The following RSRC1 variants were observed in gnomAD, a reference collection of about 807,000 sequenced individuals.
RSRC1 encodes the protein serine/Arginine-related protein 53.
Under a neutral mutation model 49.1 loss-of-function variants are expected in RSRC1, and 39 were observed. That is an observed-to-expected ratio of 0.79 (90% CI 0.61 to 1.04). RSRC1 has a LOEUF of 1.04. RSRC1 is among the 50% of genes least tolerant of loss of function. RSRC1 has a pLI of 0.00. For synonymous variants in RSRC1, 143 were observed against 130.8 expected, an observed-to-expected ratio of 1.09 and a Z score of -0.63; for missense variants, 388 against 402.4, an observed-to-expected ratio of 0.96 and a Z score of 0.31.
chr3:158,534,658 A>G (rs1187239739), intron 7 of RSRC1, among the ~76,000 whole-genome samples: 2 of 151,622 alleles, frequency 1.3e-5, no homozygotes, highest in East Asian at 1.9e-4. Context: ...GCACGTGGCT[A>G]TTTATTAAAG....
At chr3:158,297,113 A>G (rs1727279547) in intron 4 of RSRC1, among the ~76,000 whole-genome samples, 1 of 152,064 alleles carries the variant, frequency 6.6e-6, no homozygotes, top group East Asian at 1.9e-4. Flanking sequence ...TATATTAATA[A>G]TTACTTTCTG....
At chr3:158,397,193 G>A (rs939537095) in intron 6 of RSRC1, among the ~76,000 whole-genome samples, 5 of 152,186 alleles carry the variant, frequency 3.3e-5, no homozygotes, top group African/African-American at 1.2e-4. Flanking sequence ...TGGCAAAGTT[G>A]CACTAGAACA....
intron 6 of RSRC1, among the ~76,000 whole-genome samples, chr3:158,429,768 A>T (rs950122735): frequency 6.6e-6 from 1 of 151,322 alleles, no homozygotes; most frequent in Non-Finnish European, 1.5e-5. Flanking sequence ...GCCAACTGAA[A>T]TGTCTGTCAC....
intron 4 of RSRC1, among the ~76,000 whole-genome samples, chr3:158,263,415 A>G (rs1434609635): frequency 2.6e-5 from 4 of 152,062 alleles, no homozygotes; most frequent in Admixed American, 2.0e-4. Flanking sequence ...ATATTGTTGC[A>G]TTTGCTTTGC....
At chr3:158,320,321 C>T (rs1042059873) in intron 5 of RSRC1, among the ~76,000 whole-genome samples, 18 of 152,158 alleles carry the variant, frequency 1.2e-4, no homozygotes, top group African/African-American at 3.4e-4. Flanking sequence ...AACTTATTGT[C>T]TAAGTGATGT....
At chr3:158,168,147 G>C (rs1718648879) in intron 3 of RSRC1, among the ~76,000 whole-genome samples, 2 of 152,096 alleles carry the variant, frequency 1.3e-5, no homozygotes, top group African/African-American at 4.8e-5. Flanking sequence ...TAGCAGCGTT[G>C]GATAGTTGCT....
At chr3:158,397,822 G>A (rs996026515) in intron 6 of RSRC1, among the ~76,000 whole-genome samples, 1 of 151,946 alleles carries the variant, frequency 6.6e-6, no homozygotes, top group Non-Finnish European at 1.5e-5. Flanking sequence ...CTTACATAAA[G>A]GATCTCATCT....
At chr3:158,440,683 C>T (rs1337077151) in intron 6 of RSRC1, among the ~76,000 whole-genome samples, 2 of 152,126 alleles carry the variant, frequency 1.3e-5, no homozygotes, top group South Asian at 2.1e-4. Context: ...GTGGCTCATG[C>T]CTGTAATTCC....
At chr3:158,287,507 C>A (rs963919262) in intron 4 of RSRC1, among the ~76,000 whole-genome samples, 13 of 152,014 alleles carry the variant, frequency 8.6e-5, no homozygotes, top group African/African-American at 2.9e-4. Context: ...AATGATTATT[C>A]TTTTCTTATA....
At chr3:158,332,978 T>G (rs569447282) in intron 5 of RSRC1, among the ~76,000 whole-genome samples, 24 of 151,172 alleles carry the variant, frequency 1.6e-4, no homozygotes, top group Admixed American at 3.3e-4. Flanking sequence ...TTTGTTTTTT[T>G]TTTTTTTTGA....
At chr3:158,464,204 C>T (rs1737762164) in intron 7 of RSRC1, among the ~76,000 whole-genome samples, 1 of 151,980 alleles carries the variant, frequency 6.6e-6, no homozygotes, top group Non-Finnish European at 1.5e-5. Flanking sequence ...TTCTATTTCT[C>T]TCTATTATTG....
In RSRC1 at chr3:158,113,906, T is replaced by C. The variant is rs145496494; in HGVS notation, c.-3+3683T>C. On this transcript the variant is annotated intron_variant, in intron 1 of 9. Transcript: ENST00000611884. ...CTTATAGACTCTGGATATTAGACCT[T>C]TGTCAGTTGTATAGGTTGCAAAAAT... 2.0e-3 allele frequency among the ~76,000 whole-genome samples: 300 copies of C among 152,310 alleles called. 4 individuals carry two copies. The East Asian group carries it at 0.043, about 22-fold the overall frequency.
chr3:158,123,813 T>C, intron 2 of RSRC1, 53 bp from the exon 3 acceptor site: 1 of 1,534,578 alleles, frequency 6.5e-7, no homozygotes, highest in Non-Finnish European at 8.8e-7. Context: ...TTTTCCTTAA[T>C]GCTCATAATA....
At chr3:158,350,964 A>C (rs1252049587) in intron 5 of RSRC1, among the ~76,000 whole-genome samples, 1 of 152,126 alleles carries the variant, frequency 6.6e-6, no homozygotes, top group Non-Finnish European at 1.5e-5. Context: ...GTTGGTATGA[A>C]ATTTTTTTTT....
chr3:158,151,977 A>G (rs988593784), intron 3 of RSRC1, among the ~76,000 whole-genome samples: 5 of 152,178 alleles, frequency 3.3e-5, no homozygotes, highest in Non-Finnish European at 7.3e-5. Context: ...TAGATAAGTT[A>G]GAGCCTTTGA....
rs1399772805 is a variant in RSRC1 at position 158,544,270 on chromosome 3, G to C, written c.1000G>C (p.Ala334Pro). 1.2e-6 allele frequency: 2 copies of C among 1,601,256 alleles called. No homozygotes were observed. The highest frequency in any genetic ancestry group is 1.7e-6 in the Non-Finnish European group (2 of 1,169,786). The change falls in exon 10 of 10, where the codon GCC becomes CCC. Residue 334 changes from alanine (A) to proline (P), a missense_variant. Coordinates refer to ENST00000611884, the MANE Select transcript of RSRC1 (RefSeq NM_001271838.2). ...AGAAAGACTAATGGGCAGTCCTGTGGCCTAAGTAATATACATATAGTTGGA... is the reference window on the plus strand; with the variant it reads ...AGAAAGACTAATGGGCAGTCCTGTGCCCTAAGTAATATACATATAGTTGGA... ...RQERLMGSPVA is the reference protein window; with the variant it reads ...RQERLMGSPVP
chr3:158,161,903 A>T (rs979603150), intron 3 of RSRC1, among the ~76,000 whole-genome samples: 1 of 152,188 alleles, frequency 6.6e-6, no homozygotes, highest in African/African-American at 2.4e-5. Flanking sequence ...TCTTATCAAA[A>T]GTGGTTTAAG....
At chr3:158,381,070 G>A (rs1217013365) in intron 6 of RSRC1, among the ~76,000 whole-genome samples, 2 of 152,216 alleles carry the variant, frequency 1.3e-5, no homozygotes, top group Admixed American at 6.5e-5. Context: ...TGTCGTGAAT[G>A]TATAAAATAT....
At chr3:158,453,914 G>A (rs999429655) in intron 6 of RSRC1, among the ~76,000 whole-genome samples, 3 of 151,862 alleles carry the variant, frequency 2.0e-5, no homozygotes, top group Admixed American at 2.0e-4. Flanking sequence ...ACTTTCTAAA[G>A]GCTTGTCTAT....
Sources: gnomAD v4.1 joint callset for allele counts (sites outside exome capture counted in the v4.1 genomes callset) on GRCh38, gnomAD v4.1.1 for gene constraint, MANE v1.5 for transcripts, NCBI Gene and HGNC (gene_info 2026-07-23, HGNC 2026-07-21) for gene names.